The following REEP4 variants were observed in gnomAD, a reference collection of about 807,000 sequenced individuals.
REEP4 encodes receptor expression-enhancing protein 4.
A neutral mutation model predicts 33.5 loss-of-function variants in REEP4; 17 were observed. That is an observed-to-expected ratio of 0.51 (90% CI 0.35 to 0.76). REEP4 has a LOEUF of 0.76. Among genes scored for constraint, REEP4 ranks in the 30% least tolerant of loss-of-function variants. The pLI, the probability that REEP4 is intolerant of heterozygous loss-of-function variation, is 0.01. For synonymous variants in REEP4, 157 were observed against 142.9 expected (o/e 1.10, Z -0.70); for missense variants, 340 against 357.9 (o/e 0.95, Z 0.40).
intron 2 of REEP4, 111 bp from the exon 3 acceptor site, chr8:22,140,359 C>T: frequency 9.1e-7 from 1 of 1,101,342 alleles, no homozygotes; most frequent in Non-Finnish European, 1.4e-6. Context: ...TAGCTGCTTT[C>T]CCCCACACAT....
chr8:22,140,637 GTT>G lies in REEP4; in HGVS notation c.91_92del (p.Asn31HisfsTer3). 1 of 1,613,836 alleles carries G rather than the reference GTT, an allele frequency of 6.2e-7. No individual in the cohort carries two copies. The highest frequency in any genetic ancestry group is 2.2e-5 in the East Asian group (1 of 44,880). The part of the protein sequence containing the change: ...YASYKAVKTK[N>X]IREYVRWMMY... ...CCCCCACGCTCACATATTCACGAAT[GTT>G]CTTGGTCTTCACAGCCTTATAGGAA... is the stretch of plus-strand genomic sequence containing the variant. On this transcript the variant is annotated frameshift_variant, in exon 2 of 8. Transcript: ENST00000306306. LOFTEE classifies it high-confidence loss of function.
rs200883762 is a variant in REEP4 at position 22,138,623 on chromosome 8, G to A, written c.708+16C>T. ...CAGCAGAGCCCTCCTCCCTCCTGTC[G>A]TCCTCCCACACTGACCTCCCGCACC... On this transcript the variant is annotated intron_variant, in intron 7 of 7. Transcript: ENST00000306306. 1.5e-4 allele frequency: 236 copies of A among 1,613,902 alleles called. No individual in the cohort carries two copies. The Middle Eastern group carries it at 7.9e-3, about 54-fold the overall frequency.
chr8:22,138,527 C>T lies in REEP4; in HGVS notation c.734G>A (p.Arg245Gln), dbSNP rs150631675. The T allele has an allele frequency of 2.0e-4, 330 of 1,613,722 alleles. No homozygotes were observed. In the East Asian group the frequency reaches 3.7e-3, roughly 18 times the overall value. ...TGAGGGCACAGTCTTTTTCCTCGTC[C>T]GAACCTTCAGGGAGCGCGAGGTGCC... is the stretch of plus-strand genomic sequence containing the variant. ...REGTSRSLKV[R>Q]TRKKTVPSDV... Residue 245 changes from arginine (R) to glutamine (Q), a missense_variant, in exon 8 of 8, where the codon CGG becomes CAG. Transcript: ENST00000306306.
In REEP4 at chr8:22,141,589, G is replaced by A; in HGVS notation, c.-107C>T. The A allele has an allele frequency of 3.4e-6, 4 of 1,187,988 alleles. No individual in the cohort carries two copies. Among genetic ancestry groups the A allele is most frequent in the South Asian group, 1.6e-5 (1 of 62,496 alleles). The allele number at this position is 1,187,988 out of a possible 1,614,324, so 73.6% of individuals were successfully genotyped here. A position where few individuals can be genotyped will look rare whatever the true frequency, so the allele number is the denominator to read the frequency against. ...TCAGGGCAGTTGCGGGAAGCAGAGGGGCGATCCGGCTGTCCCTCGGCGGAG... is the reference window on the plus strand; with the variant it reads ...TCAGGGCAGTTGCGGGAAGCAGAGGAGCGATCCGGCTGTCCCTCGGCGGAG... On this transcript the variant is annotated 5_prime_UTR_variant, in exon 1 of 8. Transcript: ENST00000306306.
chr8:22,140,413 C>T (rs934769200), intron 2 of REEP4, among the ~76,000 whole-genome samples, 165 bp from the exon 3 acceptor site: 9 of 152,130 alleles, frequency 5.9e-5, no homozygotes, highest in South Asian at 2.1e-4. Context: ...TTCCTATGCC[C>T]GCCTCCAACA....
rs934698711 is a variant in REEP4, at chr8:22,140,648, T to C, written c.82A>G (p.Lys28Glu). The C allele has an allele frequency of 6.2e-6, 10 of 1,613,856 alleles. No homozygotes were observed. The Admixed American group carries it at 6.7e-5, about 11-fold the overall frequency. The stretch of plus-strand genomic sequence containing the variant: ...ACATATTCACGAATGTTCTTGGTCT[T>C]CACAGCCTTATAGGAAGCATAAGCT... ...CPAYASYKAV[K>E]TKNIREYVRW... is the part of the protein sequence containing the mutation. Residue 28 changes from lysine (K) to glutamate (E), a missense_variant, in exon 2 of 8, where the codon AAG becomes GAG. Lys to Glu is a moderately conservative substitution (Grantham distance 56). Coordinates refer to ENST00000306306, the MANE Select transcript of REEP4 (RefSeq NM_025232.4).
chr8:22,139,469 C>T lies in REEP4; in HGVS notation c.364G>A (p.Gly122Arg), dbSNP rs376948990. The T allele has an allele frequency of 4.3e-6, 7 of 1,610,344 alleles. No individual in the cohort carries two copies. Among genetic ancestry groups the T allele is most frequent in the East Asian group, 4.5e-5 (2 of 44,902 alleles). The change falls in exon 5 of 8, where the codon GGG (glycine) becomes AGG (arginine). Residue 122 changes from glycine (G) to arginine (R), a missense_variant. By Grantham distance (125) the Gly-to-Arg change is moderately radical. Transcript: ENST00000306306. ...GCGGCAATGTTGAGGCCCCGCTTCC[C>T]GAAGCTGAGCACGGTCTCGTAGCTG... ...ERSYETVLSFGKRGLNIAASA... is the reference protein window; with the variant it reads ...ERSYETVLSFRKRGLNIAASA...
Position 22,140,260 on chromosome 8 carries a change from G to A in REEP4, c.106-12C>T, listed in dbSNP as rs1228984148. 3 of 1,613,500 alleles carry A rather than the reference G, an allele frequency of 1.9e-6. No individual in the cohort carries two copies. Among genetic ancestry groups the A allele is most frequent in the Admixed American group, 1.7e-5 (1 of 60,018 alleles). On this transcript the variant is annotated splice_polypyrimidine_tract_variant and intron_variant, in intron 2 of 7. Coordinates refer to ENST00000306306, the MANE Select transcript of REEP4 (RefSeq NM_025232.4). ...ATCATCCACCGCACCTGTGGGGTGAGCGCCCAGAGGTCAGCATGGGGCCTG... is the reference window on the plus strand; with the variant it reads ...ATCATCCACCGCACCTGTGGGGTGAACGCCCAGAGGTCAGCATGGGGCCTG...
chr8:22,139,427 C>A lies in REEP4; in HGVS notation c.406G>T (p.Ala136Ser). ...GGGGCCCAGAGCACCTTGGTGGCAG[C>A]CTGCACAGCAGCGGAGGCGGCAATG... ...LNIAASAAVQ[A>S]ATKSQGALAG... Residue 136 changes from alanine to serine, a missense_variant, in exon 5 of 8, where the codon GCT (alanine) becomes TCT (serine). Ala to Ser is a moderately conservative substitution (Grantham distance 99). Transcript: ENST00000306306. 1.9e-6 allele frequency: 3 copies of A among 1,606,112 alleles called. No homozygotes were observed. The highest frequency in any genetic ancestry group is 2.5e-6 in the Non-Finnish European group (3 of 1,179,248).
In REEP4 at chr8:22,140,285, G is replaced by A. The variant is rs773637443; in HGVS notation, c.106-37C>T. On this transcript the variant is annotated intron_variant, in intron 2 of 7. Transcript: ENST00000306306. ...GCGCCCAGAGGTCAGCATGGGGCCT[G>A]CAGCACCAACTCCCAACCCAGGCCA... 11 of 1,606,578 alleles carry A rather than the reference G, an allele frequency of 6.8e-6. No homozygotes were observed. The South Asian group carries it at 1.1e-4, about 16-fold the overall frequency.
chr8:22,139,200 CAA>C, intron 5 of REEP4, 139 bp from the exon 6 acceptor site: 1 of 1,239,716 alleles, frequency 8.1e-7, no homozygotes, highest in Non-Finnish European at 1.1e-6. Context: ...AACAGGAAAC[CAA>C]AGTCAGAGAG....
At chr8:22,140,724 AG>A in intron 1 of REEP4, 27 bp from the exon 2 acceptor site, 1 of 1,594,226 alleles carries the variant, frequency 6.3e-7, no homozygotes, top group Non-Finnish European at 8.6e-7. Context: ...GGGGAGTGTG[AG>A]GGGCACCATG....
At position 22,140,126 on chromosome 8, in the gene REEP4, G is replaced by C. The variant is rs142774048; in HGVS notation, c.183-43C>G. 20 of 1,613,760 alleles carry C rather than the reference G, an allele frequency of 1.2e-5. No individual in the cohort carries two copies. In the South Asian group the frequency reaches 1.8e-4, roughly 14 times the overall value. The stretch of plus-strand genomic sequence containing the variant: ...GCAGGGTGAGCCAAGGAGCAGGGCT[G>C]GGGGGGCCACCCCTGACCCATGGCT... On this transcript the variant is annotated intron_variant, in intron 3 of 7. Transcript: ENST00000306306.
intron 1 of REEP4, 22 bp from the exon 2 acceptor site, chr8:22,140,719 G>A (rs781457174): frequency 1.2e-6 from 2 of 1,600,062 alleles, no homozygotes; most frequent in South Asian, 1.1e-5. Flanking sequence ...GCCATGGGGA[G>A]TGTGAGGGGC....
chr8:22,139,642 G>C, intron 4 of REEP4, 113 bp from the exon 5 acceptor site: 1 of 865,856 alleles, frequency 1.2e-6, no homozygotes, highest in Non-Finnish European at 1.8e-6. Flanking sequence ...AGCCCCACCT[G>C]GTGCCCAGAG....
chr8:22,141,453 C>G lies in REEP4; in HGVS notation c.30G>C (p.Val10=). 6.2e-7 allele frequency: 1 copy of G among 1,601,580 alleles called. No homozygotes were observed. Among genetic ancestry groups the G allele is most frequent in the Non-Finnish European group, 8.5e-7 (1 of 1,174,740 alleles). MVSWMICRL[V]VLVFGMLCPA... ...GGTCTGAGGGCGGCCATACTCACAC[C>G]ACCAGGCGACAGATCATCCAGGACA... The change falls in exon 1 of 8, where the codon GTG becomes GTC. Residue 10 remains valine (V), a splice_region_variant and synonymous_variant. Coordinates refer to ENST00000306306, the MANE Select transcript of REEP4 (RefSeq NM_025232.4).
intron 5 of REEP4, 127 bp from the exon 6 acceptor site, chr8:22,139,188 C>T (rs759862747): frequency 2.2e-6 from 3 of 1,349,828 alleles, no homozygotes; most frequent in African/African-American, 1.4e-5. Context: ...CAATGTGGCA[C>T]CAACAGGAAA....
chr8:22,141,335 G>T, intron 1 of REEP4, 116 bp downstream of exon 1: 1 of 1,230,910 alleles, frequency 8.1e-7, no homozygotes, highest in South Asian at 1.4e-5. Context: ...CCCTTGCATG[G>T]AGTGCTGGAG....
chr8:22,140,053 G>A lies in REEP4; in HGVS notation c.213C>T (p.Ala71=), dbSNP rs753212456. ...AGGGTGAGAGCAGCCACAGCACGAA[G>A]GCCATCTTGATCTCATAGTAGAAAG... is the stretch of plus-strand genomic sequence containing the variant. ...WFPFYYEIKM[A]FVLWLLSPYT... The change falls in exon 4 of 8, where the codon GCC becomes GCT. Residue 71 remains alanine, a synonymous_variant. Coordinates refer to ENST00000306306, the MANE Select transcript of REEP4 (RefSeq NM_025232.4). The A allele has an allele frequency of 6.2e-7, 1 of 1,613,358 alleles. No individual in the cohort carries two copies.
Sources: allele counts gnomAD v4.1 joint callset (sites outside exome capture counted in the v4.1 genomes callset), GRCh38; gene constraint gnomAD v4.1.1; transcripts MANE v1.5; gene names NCBI Gene and HGNC (gene_info 2026-07-23, HGNC 2026-07-21).